R3HDM4: variants seen among roughly 807,000 people sequenced by gnomAD.
R3HDM4 encodes the protein R3H domain-containing protein 4.
A neutral mutation model predicts 31.3 loss-of-function variants in R3HDM4; 30 were observed. That is an observed-to-expected ratio of 0.96 (90% CI 0.72 to 1.30). The LOEUF (loss-of-function observed/expected upper bound fraction) is 1.30, where lower values mean the gene tolerates loss of function less well. R3HDM4 is among the 50% of genes most tolerant of loss of function. The probability of loss-of-function intolerance (pLI) is 0.00; values close to 1 mark genes in which losing one functional copy is unlikely to be tolerated. For synonymous variants in R3HDM4, 196 were observed against 156.6 expected, an observed-to-expected ratio of 1.25 and a Z score of -1.88; for missense variants, 444 against 366.1, an observed-to-expected ratio of 1.21 and a Z score of -1.74.
chr19:911,816 G>T (rs1568344547), intron 1 of R3HDM4, among the ~76,000 whole-genome samples: 3 of 152,042 alleles, frequency 2.0e-5, no homozygotes, highest in Admixed American at 6.5e-5. Context: ...AAGGACGCGC[G>T]GGCTCCTGCT....
At chr19:902,933 C>A (rs192597032) in intron 1 of R3HDM4, among the ~76,000 whole-genome samples, 22 of 152,180 alleles carry the variant, frequency 1.4e-4, no homozygotes, top group Admixed American at 1.2e-3. Context: ...CGGAGTGAGA[C>A]CTTGTCTCAA....
intron 3 of R3HDM4, 86 bp downstream of exon 3, chr19:901,336 C>T (rs1278731516): frequency 1.1e-5 from 16 of 1,431,790 alleles, no homozygotes; most frequent in East Asian, 2.4e-5. Flanking sequence ...GTGCTTCTGG[C>T]GGGGGACGGG....
intron 1 of R3HDM4, among the ~76,000 whole-genome samples, chr19:909,676 A>T (rs2036948182): frequency 6.6e-6 from 1 of 151,986 alleles, no homozygotes; most frequent in Non-Finnish European, 1.5e-5. Context: ...CATGCCTGTA[A>T]TCCCAGCTAC....
At chr19:900,793 T>C (rs1350411478) in intron 4 of R3HDM4, 36 bp downstream of exon 4, 1 of 685,654 alleles carries the variant, frequency 1.5e-6, no homozygotes, top group Non-Finnish European at 1.9e-6. Context: ...ATCCATACCC[T>C]GGCCCCACCC....
intron 1 of R3HDM4, among the ~76,000 whole-genome samples, chr19:905,299 C>T (rs1211563203): frequency 6.6e-6 from 1 of 151,696 alleles, no homozygotes; most frequent in Non-Finnish European, 1.5e-5. Context: ...GAGTTCGAGA[C>T]CATCCTGACC....
At chr19:911,905 G>T (rs1377274986) in intron 1 of R3HDM4, among the ~76,000 whole-genome samples, 1 of 151,838 alleles carries the variant, frequency 6.6e-6, no homozygotes, top group Non-Finnish European at 1.5e-5. Flanking sequence ...GAAAGGCAGG[G>T]GGCGCGGACA....
Position 901,506 on chromosome 19 carries a change from C to G in R3HDM4, c.267G>C (p.Leu89=), listed in dbSNP as rs144635014. The change falls in exon 3 of 8, where the codon CTG becomes CTC. Residue 89 remains leucine (L), a synonymous_variant. Transcript: ENST00000361574. ...LLTLLETDGG[L]PGLEDGDLAP... The stretch of plus-strand genomic sequence containing the variant: ...CCAAGTCCCCATCCTCCAGGCCAGG[C>G]AGGCCCCCGTCTGTCTCCAGCAGGG... 6.2e-7 allele frequency: 1 copy of G among 1,608,730 alleles called. No homozygotes were observed. Among genetic ancestry groups the G allele is most frequent in the Non-Finnish European group, 8.5e-7 (1 of 1,179,792 alleles).
intron 1 of R3HDM4, among the ~76,000 whole-genome samples, chr19:904,275 C>T (rs78680605): frequency 0.026 from 3,922 of 152,262 alleles, 164 homozygotes; most frequent in African/African-American, 0.089. Context: ...CTCGGACCTT[C>T]GCACAGGCGG....
At chr19:901,290 C>A in intron 3 of R3HDM4, 132 bp downstream of exon 3, 1 of 1,033,966 alleles carries the variant, frequency 9.7e-7, no homozygotes, top group East Asian at 2.6e-5. Context: ...CCGAAGGAGA[C>A]TGAGGGGCCT....
At chr19:901,372 G>C (rs2145287819) in intron 3 of R3HDM4, 50 bp downstream of exon 3, 1 of 1,572,046 alleles carries the variant, frequency 6.4e-7, no homozygotes, top group East Asian at 2.3e-5. Flanking sequence ...GGCCGTAGGA[G>C]AACTGCCGGG....
rs202174132 is a variant in R3HDM4 at position 900,144 on chromosome 19, C to T, written c.478G>A (p.Asp160Asn). Residue 160 changes from aspartate to asparagine, a missense_variant and splice_region_variant, in exon 5 of 8, where the codon GAC becomes AAC. Coordinates refer to ENST00000361574, the MANE Select transcript of R3HDM4 (RefSeq NM_138774.4). Reference protein sequence around the residue: ...PGRGEDRRREDPAYTPRECFQ... With the variant: ...PGRGEDRRRENPAYTPRECFQ... ...CACTCGCGGGGTGTATAGGCGGGGT[C>T]CTCTGCAGGAGTGGGGGAACAAGGG... The T allele has an allele frequency of 3.6e-5, 57 of 1,573,516 alleles. No individual in the cohort carries two copies. The East Asian group carries it at 1.2e-3, about 32-fold the overall frequency.
rs1184082205 is a variant in R3HDM4 at position 907,356 on chromosome 19, C to A, written c.72-5226G>T. Among the ~76,000 whole-genome samples the A allele has an allele frequency of 2.6e-5, 4 of 152,098 alleles. No homozygotes were observed. Among genetic ancestry groups the A allele is most frequent in the Non-Finnish European group, 5.9e-5 (4 of 67,998 alleles). ...CATGCCCCAGATTCACCCACAGCCCCCCCTGAGGCCCCGGGGCCTACTTCT... is the reference window on the plus strand; with the variant it reads ...CATGCCCCAGATTCACCCACAGCCCACCCTGAGGCCCCGGGGCCTACTTCT... On this transcript the variant is annotated intron_variant, in intron 1 of 7. Coordinates refer to ENST00000361574, the MANE Select transcript of R3HDM4 (RefSeq NM_138774.4). This position sits in a 1 kb window ranked among gnomAD's most constrained non-coding sequence, Gnocchi z 4.1.
At chr19:902,556 A>C (rs1264227011) in intron 1 of R3HDM4, 3 of 169,604 alleles carry the variant, frequency 1.8e-5, no homozygotes, top group African/African-American at 7.2e-5. Flanking sequence ...AGGCAGGAGG[A>C]TCACTTAAGT....
chr19:899,708 T>C lies in R3HDM4; in HGVS notation c.562-22A>G. On this transcript the variant is annotated intron_variant, in intron 5 of 7. Transcript: ENST00000361574. The surrounding 1 kb of genome is among the most constrained non-coding windows in gnomAD (Gnocchi z 6.8). ...TTTCCTGGGGAGAGCGGCCCGGTGG[T>C]CAGGGAACTGCGGGACCTGTGGGTG... 1 of 1,541,078 alleles carries C rather than the reference T, an allele frequency of 6.5e-7. No individual in the cohort carries two copies. Among genetic ancestry groups the C allele is most frequent in the Non-Finnish European group, 8.7e-7 (1 of 1,143,214 alleles).
chr19:909,909 G>A (rs1402867270), intron 1 of R3HDM4, among the ~76,000 whole-genome samples: 3 of 152,172 alleles, frequency 2.0e-5, no homozygotes, highest in Non-Finnish European at 2.9e-5. Flanking sequence ...CGTTACGTGG[G>A]TGCAGTGGCT....
At chr19:908,485 C>CT (rs2036933072) in intron 1 of R3HDM4, among the ~76,000 whole-genome samples, 1 of 151,872 alleles carries the variant, frequency 6.6e-6, no homozygotes, top group South Asian at 2.1e-4. Flanking sequence ...TGGTGGGCGC[C>CT]TGTGGTCCCA....
At position 901,871 on chromosome 19, in the gene R3HDM4, C is replaced by G. The variant is rs1018716836; in HGVS notation, c.226+105G>C. On this transcript the variant is annotated intron_variant, in intron 2 of 7. Transcript: ENST00000361574. ...GCTGACACCTCTTTGGGTCCCCAGC[C>G]CCACCCAGGCACAGCTCATGGGAGG... The G allele has an allele frequency of 2.5e-5, 36 of 1,437,142 alleles. No individual in the cohort carries two copies. In the African/African-American group the frequency reaches 3.6e-4, roughly 15 times the overall value. The allele number at this position is 1,437,142 out of a possible 1,614,324, so 89.0% of individuals were successfully genotyped here.
rs2036775967 is a variant in R3HDM4 at position 898,560 on chromosome 19, C to T, written c.703+880G>A. Among the ~76,000 whole-genome samples the T allele has an allele frequency of 2.0e-5, 3 of 152,220 alleles. No individual in the cohort carries two copies. In the South Asian group the frequency reaches 6.2e-4, roughly 32 times the overall value. On this transcript the variant is annotated intron_variant, in intron 7 of 7. Transcript: ENST00000361574. ...GTTGCAGTGAGTAAAGATTACGCCACTGCACTCCAGCCTGGGTGGCAGAAT... is the reference window on the plus strand; with the variant it reads ...GTTGCAGTGAGTAAAGATTACGCCATTGCACTCCAGCCTGGGTGGCAGAAT...
rs528363474 is a variant in R3HDM4, at chr19:899,370, C to G, written c.703+70G>C. ...CAAGCCCCACTCTGAGGAACCAGGC[C>G]CCTGGGACCCTGGCCACTTTCCCAG... On this transcript the variant is annotated intron_variant, in intron 7 of 7. Transcript: ENST00000361574. This position sits in a 1 kb window ranked among gnomAD's most constrained non-coding sequence, Gnocchi z 6.8. The G allele has an allele frequency of 6.8e-5, 103 of 1,518,202 alleles. 1 individual carries two copies. The highest frequency in any genetic ancestry group is 4.7e-4 in the South Asian group (42 of 88,976). 94.0% of individuals were successfully genotyped at this position (1,518,202 alleles called of 1,614,324 possible).
Sources: gnomAD v4.1 joint callset for allele counts (sites outside exome capture counted in the v4.1 genomes callset) on GRCh38, gnomAD v4.1.1 for gene constraint, Gnocchi (gnomAD v3.1) non-coding constraint, MANE v1.5 for transcripts, NCBI Gene and HGNC (gene_info 2026-07-23, HGNC 2026-07-21) for gene names.